Variants in NCOA7 observed in about 807,000 individuals in gnomAD.
NCOA7 encodes the protein nuclear receptor coactivator 7.
Under a neutral mutation model 104.3 loss-of-function variants are expected in NCOA7, and 45 were observed. The observed-to-expected ratio is 0.43, with a 90% CI of 0.34 to 0.55. The LOEUF (loss-of-function observed/expected upper bound fraction) is 0.55, where lower values mean the gene tolerates loss of function less well. Among genes scored for constraint, NCOA7 ranks in the 20% least tolerant of loss-of-function variants. NCOA7 has a pLI of 0.02. For missense variants in NCOA7, 1,041 were observed against 1,119.7 expected (o/e 0.93, Z 1.00); for synonymous variants, 398 against 402.3 (o/e 0.99, Z 0.13).
At chr6:125,801,641 C>T (rs1233968703) in intron 1 of NCOA7, among the ~76,000 whole-genome samples, 1 of 152,308 alleles carries the variant, frequency 6.6e-6, no homozygotes, top group South Asian at 2.1e-4. Context: ...AAGAATCCTT[C>T]CTTTTCTCTT....
chr6:125,919,143 G>C (rs1013685352), intron 11 of NCOA7: 3 of 1,161,222 alleles, frequency 2.6e-6, no homozygotes, highest in Non-Finnish European at 3.6e-6. Flanking sequence ...ATGCCTGGCA[G>C]GAAGTGTGTT....
intron 1 of NCOA7, among the ~76,000 whole-genome samples, chr6:125,793,574 C>A (rs1169947387): frequency 6.6e-6 from 1 of 152,158 alleles, no homozygotes; most frequent in Non-Finnish European, 1.5e-5. Flanking sequence ...CACTCCGCCC[C>A]CACAAGCACC....
At chr6:125,837,494 A>T (rs1779711724) in intron 2 of NCOA7, among the ~76,000 whole-genome samples, 1 of 152,124 alleles carries the variant, frequency 6.6e-6, no homozygotes, top group Non-Finnish European at 1.5e-5. Context: ...CATCTCTCTG[A>T]CCTTTTACAT....
intron 2 of NCOA7, among the ~76,000 whole-genome samples, chr6:125,819,694 C>T (rs1452214740): frequency 1.3e-5 from 2 of 152,206 alleles, no homozygotes; most frequent in African/African-American, 4.8e-5. Flanking sequence ...ATGCTATCCT[C>T]TGGGGTGACT....
intron 10 of NCOA7, among the ~76,000 whole-genome samples, chr6:125,907,235 A>G (rs1786094503): frequency 6.6e-6 from 1 of 152,222 alleles, no homozygotes; most frequent in Non-Finnish European, 1.5e-5. Context: ...CAGAGGAAAG[A>G]AGAACAAGCA....
chr6:125,858,504 GCACACAC>G (rs1417062656), intron 3 of NCOA7, among the ~76,000 whole-genome samples: 2 of 151,936 alleles, frequency 1.3e-5, no homozygotes, highest in Non-Finnish European at 2.9e-5. Flanking sequence ...AGGCATAGTA[GCACACAC>G]CTGTAGTCCC....
At chr6:125,924,695 A>G (rs1044338015) in intron 13 of NCOA7, among the ~76,000 whole-genome samples, 4 of 152,194 alleles carry the variant, frequency 2.6e-5, no homozygotes, top group African/African-American at 7.2e-5. Context: ...TTATTCAAGA[A>G]AATCTAATTA....
intron 8 of NCOA7, among the ~76,000 whole-genome samples, chr6:125,888,540 A>T (rs947819773): frequency 6.6e-6 from 1 of 152,222 alleles, no homozygotes; most frequent in African/African-American, 2.4e-5. Context: ...ATGTTTGCAC[A>T]TTTAAGGAAT....
intron 13 of NCOA7, among the ~76,000 whole-genome samples, chr6:125,927,395 C>G (rs1788125414): frequency 6.6e-6 from 1 of 152,142 alleles, no homozygotes; most frequent in African/African-American, 2.4e-5. Flanking sequence ...AAAATTGGAA[C>G]AAATTGTTGG....
chr6:125,803,159 G>A (rs1776067092), intron 1 of NCOA7, among the ~76,000 whole-genome samples: 1 of 152,158 alleles, frequency 6.6e-6, no homozygotes, highest in South Asian at 2.1e-4. Context: ...TGGCACTATT[G>A]AAATATAACC....
chr6:125,920,487 C>G (rs1446774518), intron 11 of NCOA7, among the ~76,000 whole-genome samples: 1 of 152,202 alleles, frequency 6.6e-6, no homozygotes, highest in Non-Finnish European at 1.5e-5. Flanking sequence ...AGGTAGAAAT[C>G]TTCTGGTGTT....
At chr6:125,910,502 GGAGT>G (rs1427259350) in intron 10 of NCOA7, among the ~76,000 whole-genome samples, 1 of 152,130 alleles carries the variant, frequency 6.6e-6, no homozygotes, top group Non-Finnish European at 1.5e-5. Flanking sequence ...AAACCTCTCT[GGAGT>G]GATGATTTAT....
intron 2 of NCOA7, among the ~76,000 whole-genome samples, chr6:125,837,670 A>G (rs1203488483): frequency 1.3e-5 from 2 of 151,622 alleles, no homozygotes; most frequent in African/African-American, 4.9e-5. Flanking sequence ...CCCCTAATTC[A>G]TTTCCCACAC....
chr6:125,839,799 A>C (rs1402285628), intron 2 of NCOA7, among the ~76,000 whole-genome samples: 1 of 152,120 alleles, frequency 6.6e-6, no homozygotes, highest in Non-Finnish European at 1.5e-5. Flanking sequence ...CACATTACTC[A>C]GTGATGCTGG....
intron 2 of NCOA7, among the ~76,000 whole-genome samples, chr6:125,839,937 T>C (rs532421052): frequency 6.6e-6 from 1 of 152,058 alleles, no homozygotes; most frequent in East Asian, 1.9e-4. Context: ...ACACTAGTTA[T>C]TATTATTTTA....
At chr6:125,864,110 A>T (rs1224166587) in intron 3 of NCOA7, among the ~76,000 whole-genome samples, 2 of 137,904 alleles carry the variant, frequency 1.5e-5, no homozygotes, top group South Asian at 4.4e-4. Flanking sequence ...ATCCTAAGCA[A>T]ACAGTCATGA....
chr6:125,796,424 C>A (rs1285743699), intron 1 of NCOA7, among the ~76,000 whole-genome samples: 2 of 145,200 alleles, frequency 1.4e-5, no homozygotes, highest in Admixed American at 7.2e-5. Flanking sequence ...CCTGCAGATA[C>A]CAAAATCTAA....
chr6:125,903,589 A>T (rs986753951), intron 10 of NCOA7, among the ~76,000 whole-genome samples: 9 of 152,232 alleles, frequency 5.9e-5, no homozygotes, highest in African/African-American at 1.9e-4. Flanking sequence ...ACTACTGTTT[A>T]CTTAATGGTT....
At chr6:125,882,320 TAAATAG>T in intron 6 of NCOA7, 100 bp from the exon 7 acceptor site, 1 of 1,157,706 alleles carries the variant, frequency 8.6e-7, no homozygotes, top group Non-Finnish European at 1.2e-6. Flanking sequence ...ATGTTCCACT[TAAATAG>T]AAATAGTATA....
Sources: gnomAD v4.1 joint callset for allele counts (sites outside exome capture counted in the v4.1 genomes callset) on GRCh38, gnomAD v4.1.1 for gene constraint, MANE v1.5 for transcripts, NCBI Gene and HGNC (gene_info 2026-07-23, HGNC 2026-07-21) for gene names.